Variants in CELF4 observed in about 807,000 individuals in gnomAD.
CELF4 encodes the protein CUGBP Elav-like family member 4.
A neutral mutation model predicts 59.9 loss-of-function variants in CELF4; 18 were observed. The observed-to-expected ratio is 0.30, with a 90% CI of 0.21 to 0.45. The LOEUF is 0.45. Among genes scored for constraint, CELF4 ranks in the 20% least tolerant of loss-of-function variants. The probability of loss-of-function intolerance (pLI) is 1.00; values close to 1 mark genes in which losing one functional copy is unlikely to be tolerated. For missense variants in CELF4, 456 were observed against 689.0 expected (o/e 0.66, Z 3.79); for synonymous variants, 261 against 267.1 (o/e 0.98, Z 0.22).
intron 3 of CELF4, among the ~76,000 whole-genome samples, chr18:37,285,773 A>C (rs1363180388): frequency 6.6e-6 from 1 of 152,170 alleles, no homozygotes; most frequent in Admixed American, 6.5e-5. Flanking sequence ...TCTATGTAGA[A>C]GTCACCTTTT....
intron 2 of CELF4, among the ~76,000 whole-genome samples, chr18:37,444,051 C>T (rs1255988559): frequency 6.6e-6 from 1 of 152,174 alleles, no homozygotes; most frequent in Non-Finnish European, 1.5e-5. Context: ...GGGCCAGTTA[C>T]TAACTTCTCC....
intron 2 of CELF4, among the ~76,000 whole-genome samples, chr18:37,393,093 TG>T (rs1214378165): frequency 4.0e-5 from 6 of 151,018 alleles, no homozygotes. Context: ...GACTGCGGTG[TG>T]TTAGAGAGAC....
At chr18:37,328,530 C>A (rs1603498843) in intron 2 of CELF4, among the ~76,000 whole-genome samples, 1 of 152,188 alleles carries the variant, frequency 6.6e-6, no homozygotes, top group Admixed American at 6.5e-5. Flanking sequence ...TGGAGGAATA[C>A]CCCTGGAGAC....
At chr18:37,543,913 GA>G (rs2099979471) in intron 1 of CELF4, among the ~76,000 whole-genome samples, 1 of 152,162 alleles carries the variant, frequency 6.6e-6, no homozygotes, top group African/African-American at 2.4e-5. Flanking sequence ...AAGCTTGGGG[GA>G]CTCTGAGAGA....
chr18:37,318,732 G>A (rs752842869), intron 3 of CELF4, among the ~76,000 whole-genome samples: 1 of 152,036 alleles, frequency 6.6e-6, no homozygotes, highest in Non-Finnish European at 1.5e-5. Context: ...AAGCCGATGA[G>A]GTTAGCATCT....
At chr18:37,399,547 G>A (rs1433738452) in intron 2 of CELF4, among the ~76,000 whole-genome samples, 4 of 152,146 alleles carry the variant, frequency 2.6e-5, no homozygotes, top group African/African-American at 9.7e-5. Flanking sequence ...ACAATGCCTG[G>A]TATCCTGTGG....
intron 3 of CELF4, among the ~76,000 whole-genome samples, chr18:37,291,191 G>A (rs2095310878): frequency 1.3e-5 from 2 of 152,324 alleles, no homozygotes; most frequent in African/African-American, 4.8e-5. Flanking sequence ...TTACAGGCAT[G>A]AGCCACCGTG....
At chr18:37,333,776 C>T (rs1320623931) in intron 2 of CELF4, among the ~76,000 whole-genome samples, 3 of 118,180 alleles carry the variant, frequency 2.5e-5, no homozygotes, top group Non-Finnish European at 3.7e-5. Flanking sequence ...ATCCATCCCT[C>T]CATCCATGCA....
intron 3 of CELF4, among the ~76,000 whole-genome samples, chr18:37,309,266 G>A (rs189031618): frequency 3.3e-4 from 51 of 152,360 alleles, no homozygotes; most frequent in Non-Finnish European, 6.5e-4. Flanking sequence ...AGACAGAGGT[G>A]CAAAGGCTGA....
rs543870404 is a variant in CELF4, at chr18:37,534,121, G to A, written c.286+31235C>T. Among the ~76,000 whole-genome samples the A allele has an allele frequency of 2.0e-5, 3 of 152,354 alleles. No individual in the cohort carries two copies. The East Asian group carries it at 5.8e-4, about 29-fold the overall frequency. ...TGGCAATATTTGCCTTATGGCATCAGAGCGGCGTTTCCCGTATTCACATAG... is the reference window on the plus strand; with the variant it reads ...TGGCAATATTTGCCTTATGGCATCAAAGCGGCGTTTCCCGTATTCACATAG... On this transcript the variant is annotated intron_variant, in intron 1 of 12. Transcript: ENST00000420428.
chr18:37,495,308 C>T (rs548206232), intron 1 of CELF4, among the ~76,000 whole-genome samples: 13 of 152,104 alleles, frequency 8.5e-5, no homozygotes, highest in Non-Finnish European at 1.9e-4. Flanking sequence ...ACAGGGTCCC[C>T]GATGAAGCTA....
intron 1 of CELF4, among the ~76,000 whole-genome samples, chr18:37,515,258 C>G (rs938238401): frequency 6.6e-6 from 1 of 152,166 alleles, no homozygotes; most frequent in Non-Finnish European, 1.5e-5. Context: ...TCTTGCCTCC[C>G]TAAATGCCTT....
intron 1 of CELF4, among the ~76,000 whole-genome samples, chr18:37,494,276 A>C (rs1385995380): frequency 6.6e-6 from 1 of 152,216 alleles, no homozygotes; most frequent in East Asian, 1.9e-4. Context: ...AGTGGACGTG[A>C]CATATTGATG....
At chr18:37,415,198 G>C (rs900786302) in intron 2 of CELF4, among the ~76,000 whole-genome samples, 3 of 152,230 alleles carry the variant, frequency 2.0e-5, no homozygotes, top group African/African-American at 7.2e-5. Flanking sequence ...GAGAAGGGAA[G>C]AGACATGGAG....
chr18:37,350,410 C>A (rs979571570), intron 2 of CELF4, among the ~76,000 whole-genome samples: 2 of 152,136 alleles, frequency 1.3e-5, no homozygotes, highest in African/African-American at 2.4e-5. Flanking sequence ...GCTCACTCAC[C>A]CGGACAAATC....
At chr18:37,349,076 T>G (rs2098376438) in intron 2 of CELF4, among the ~76,000 whole-genome samples, 1 of 152,142 alleles carries the variant, frequency 6.6e-6, no homozygotes, top group Admixed American at 6.5e-5. Context: ...CCATGGGGCC[T>G]GGAGAGAGCC....
At chr18:37,265,484 C>T (rs563716807) in intron 9 of CELF4, among the ~76,000 whole-genome samples, 4 of 152,306 alleles carry the variant, frequency 2.6e-5, no homozygotes, top group African/African-American at 7.2e-5. Context: ...GCTGGCAGGC[C>T]CTCACTCCCA....
rs547813825 is a variant in CELF4, at chr18:37,284,382, C to T, written c.449-9139G>A. Among the ~76,000 whole-genome samples, 468 of 152,258 alleles carry T rather than the reference C, an allele frequency of 3.1e-3. 2 individuals carry two copies. The highest frequency in any genetic ancestry group is 0.011 in the African/African-American group (455 of 41,550). On this transcript the variant is annotated intron_variant, in intron 3 of 12. Coordinates refer to ENST00000420428, the MANE Select transcript of CELF4 (RefSeq NM_020180.4). ...CACCTCCCCAAGGCAAAAGGCCTGG[C>T]CCCTCTCCTCTGACCTCTGGGAGCC... is the stretch of plus-strand genomic sequence containing the variant.
chr18:37,436,813 A>G (rs2099694243), intron 2 of CELF4, among the ~76,000 whole-genome samples: 1 of 151,970 alleles, frequency 6.6e-6, no homozygotes, highest in South Asian at 2.1e-4. Context: ...CAGAATCTAA[A>G]CTCCCACATC....
Sources: gnomAD v4.1 joint callset for allele counts (sites outside exome capture counted in the v4.1 genomes callset) on GRCh38, gnomAD v4.1.1 for gene constraint, MANE v1.5 for transcripts, NCBI Gene and HGNC (gene_info 2026-07-23, HGNC 2026-07-21) for gene names.